The following TNRC18 variants were observed in gnomAD, a reference collection of about 807,000 sequenced individuals.
The protein encoded by TNRC18 is trinucleotide repeat containing 18.
A neutral mutation model predicts 226.7 loss-of-function variants in TNRC18; 69 were observed. The observed-to-expected ratio is 0.30, with a 90% CI of 0.25 to 0.37. TNRC18 has a LOEUF of 0.37. Among genes scored for constraint, TNRC18 ranks in the 10% least tolerant of loss-of-function variants. The pLI is 1.00. For missense variants in TNRC18, 4,754 were observed against 4,256.6 expected (o/e 1.12, Z -3.25); for synonymous variants, 2,449 against 1,927.6 (o/e 1.27, Z -7.09).
rs143216173 is a variant in TNRC18, at chr7:5,335,790, C to T, written c.5720-2741G>A. 1.2e-3 allele frequency among the ~76,000 whole-genome samples: 174 copies of T among 149,670 alleles called. 1 individual carries two copies. Among genetic ancestry groups the T allele is most frequent in the African/African-American group, 4.1e-3 (166 of 40,456 alleles). On this transcript the variant is annotated intron_variant, in intron 18 of 29. Coordinates refer to ENST00000430969, the MANE Select transcript of TNRC18 (RefSeq NM_001080495.3). ...CACCTAAGAAACTGGACTTCAAGTC[C>T]CACCAAGGAAATATCTGCTAAAACA... is the stretch of plus-strand genomic sequence containing the variant.
chr7:5,370,962 T>C lies in TNRC18; in HGVS notation c.3632A>G (p.Gln1211Arg). The C allele has an allele frequency of 1.2e-6, 2 of 1,605,556 alleles. No homozygotes were observed. The highest frequency in any genetic ancestry group is 1.7e-6 in the Non-Finnish European group (2 of 1,179,726). ...ACACTCAGAGGGCTCTGCGCAGCTC[T>C]GCCCGGTGGCACTCAGCGCCTGGGC... Reference protein sequence around the residue: ...LEAQALSATGQSCAEPSECPD... With the variant: ...LEAQALSATGRSCAEPSECPD... Residue 1211 changes from glutamine to arginine, a missense_variant, in exon 11 of 30, where the codon CAG becomes CGG. Coordinates refer to ENST00000430969, the MANE Select transcript of TNRC18 (RefSeq NM_001080495.3).
intron 2 of TNRC18, among the ~76,000 whole-genome samples, chr7:5,399,017 G>C (rs950457852): frequency 6.6e-6 from 1 of 152,104 alleles, no homozygotes; most frequent in African/African-American, 2.4e-5. Flanking sequence ...CACAAAAGAG[G>C]CTCTAAAATA....
At chr7:5,413,343 C>T (rs1168621688) in intron 2 of TNRC18, among the ~76,000 whole-genome samples, 1 of 152,084 alleles carries the variant, frequency 6.6e-6, no homozygotes, top group Non-Finnish European at 1.5e-5. Context: ...ACAAGTGGTT[C>T]GCACCCAAGC....
Position 5,374,241 on chromosome 7 carries a change from C to A in TNRC18, c.3043G>T (p.Val1015Leu). 2 of 1,499,180 alleles carry A rather than the reference C, an allele frequency of 1.3e-6. No individual in the cohort carries two copies. Among genetic ancestry groups the A allele is most frequent in the South Asian group, 1.3e-5 (1 of 75,540 alleles). The allele number at this position is 1,499,180 out of a possible 1,614,324, so 92.9% of individuals were successfully genotyped here. A position where few individuals can be genotyped will look rare whatever the true frequency, so the allele number is the denominator to read the frequency against. The change falls in exon 10 of 30, where the codon GTG (valine) becomes TTG (leucine). Residue 1015 changes from valine (V) to leucine (L), a missense_variant. By Grantham distance (32) the Val-to-Leu change is conservative. Transcript: ENST00000430969. Reference sequence around the variant, plus strand: ...TAGGCGTAGGCGGGTGGCTTGGACACGTCCTCCAGCTTCTGGATGACCTTG... The same window carrying A: ...TAGGCGTAGGCGGGTGGCTTGGACAAGTCCTCCAGCTTCTGGATGACCTTG... The part of the protein sequence containing the change: ...KAKVIQKLED[V>L]SKPPAYAYPA...
intron 25 of TNRC18, among the ~76,000 whole-genome samples, chr7:5,315,464 G>T (rs1284448489): frequency 6.7e-6 from 1 of 149,048 alleles, no homozygotes; most frequent in Admixed American, 6.8e-5. Flanking sequence ...TCGCTCTGTC[G>T]CCAGGATGGA....
At chr7:5,352,473 G>A (rs1218894927) in intron 16 of TNRC18, among the ~76,000 whole-genome samples, 1 of 152,210 alleles carries the variant, frequency 6.6e-6, no homozygotes, top group African/African-American at 2.4e-5. Flanking sequence ...GATGGCCCAA[G>A]GGTGACAACC....
chr7:5,350,958 G>A lies in TNRC18; in HGVS notation c.5470+861C>T, dbSNP rs1034299577. On this transcript the variant is annotated intron_variant, in intron 17 of 29. Transcript: ENST00000430969. ...CGCACCCTTCAAAACAGAAATACAC[G>A]TGAGAAGACAAGTGTTTGTAAATAA... Among the ~76,000 whole-genome samples, 4 of 152,186 alleles carry A rather than the reference G, an allele frequency of 2.6e-5. No individual in the cohort carries two copies. In the South Asian group the frequency reaches 6.2e-4, roughly 24 times the overall value.
intron 2 of TNRC18, among the ~76,000 whole-genome samples, chr7:5,410,446 A>T (rs1781767988): frequency 6.6e-6 from 1 of 152,164 alleles, no homozygotes. Context: ...ATAATACAAA[A>T]AATTTCAGAA....
chr7:5,312,708 G>A lies in TNRC18; in HGVS notation c.8183C>T (p.Ala2728Val), dbSNP rs569812690. Residue 2728 changes from alanine (A) to valine (V), a missense_variant, in exon 27 of 30, where the codon GCG (alanine) becomes GTG (valine). Ala to Val is a moderately conservative substitution (Grantham distance 64). Transcript: ENST00000430969. The surrounding 1 kb of genome is among the most constrained non-coding windows in gnomAD (Gnocchi z 6.3). ...AGGCTGTGTGGGCTGCGGAGGAGGC[G>A]CCTGGGGCTGGGGCGCGGGCGTCTT... is the stretch of plus-strand genomic sequence containing the variant. Reference protein sequence around the residue: ...GKKTPAPQPQAPPPQPTQPLQ... With the variant: ...GKKTPAPQPQVPPPQPTQPLQ... 1.8e-5 allele frequency: 29 copies of A among 1,584,002 alleles called. No individual in the cohort carries two copies. The highest frequency in any genetic ancestry group is 1.4e-4 in the African/African-American group (10 of 74,002).
At chr7:5,374,965 G>T (rs1334284907) in intron 9 of TNRC18, among the ~76,000 whole-genome samples, 4 of 152,096 alleles carry the variant, frequency 2.6e-5, no homozygotes, top group Non-Finnish European at 5.9e-5. Context: ...AAATGGGAGG[G>T]AGTCAGCTCG....
Position 5,309,051 on chromosome 7 carries a change from C to T in TNRC18, c.8625+81G>A. The T allele has an allele frequency of 1.3e-6, 2 of 1,502,844 alleles. No individual in the cohort carries two copies. Among genetic ancestry groups the T allele is most frequent in the Non-Finnish European group, 1.8e-6 (2 of 1,104,410 alleles). 93.1% of individuals were successfully genotyped at this position (1,502,844 alleles called of 1,614,324 possible). On this transcript the variant is annotated intron_variant, in intron 28 of 29. Coordinates refer to ENST00000430969, the MANE Select transcript of TNRC18 (RefSeq NM_001080495.3). This position sits in a 1 kb window ranked among gnomAD's most constrained non-coding sequence, Gnocchi z 5.7. Reference sequence around the variant, plus strand: ...GACCCACTGGGCAGGGCTGCTGATGCTCCAGCACCCAGAACGCCTCGCCCT... The same window carrying T: ...GACCCACTGGGCAGGGCTGCTGATGTTCCAGCACCCAGAACGCCTCGCCCT...
In TNRC18 at chr7:5,357,284, G is replaced by A. The variant is rs890033488; in HGVS notation, c.4834-8C>T. The A allele has an allele frequency of 3.7e-6, 6 of 1,605,990 alleles. No homozygotes were observed. The African/African-American group carries it at 8.0e-5, about 21-fold the overall frequency. On this transcript the variant is annotated splice_region_variant and splice_polypyrimidine_tract_variant and intron_variant, in intron 15 of 29. Coordinates refer to ENST00000430969, the MANE Select transcript of TNRC18 (RefSeq NM_001080495.3). ...CTTCTTCTTAATCTTTAGCTGGAGA[G>A]GGAAGGTGGGTCATGGGTTAAAAGA...
chr7:5,399,117 T>C (rs1446625102), intron 2 of TNRC18, among the ~76,000 whole-genome samples: 1 of 151,428 alleles, frequency 6.6e-6, no homozygotes, highest in Non-Finnish European at 1.5e-5. Context: ...AGTGCCCCCC[T>C]GCCCCACCCA....
Position 5,324,065 on chromosome 7 carries a change from C to T in TNRC18, c.6442+149G>A. Reference sequence around the variant, plus strand: ...CAGCCAGTCCAGCCTTCTCATCGACCCGGATAACTCAGCCTCAGGATCTCT... The same window carrying T: ...CAGCCAGTCCAGCCTTCTCATCGACTCGGATAACTCAGCCTCAGGATCTCT... On this transcript the variant is annotated intron_variant, in intron 21 of 29. Transcript: ENST00000430969. The surrounding 1 kb of genome is among the most constrained non-coding windows in gnomAD (Gnocchi z 4.8). The T allele has an allele frequency of 1.1e-6, 1 of 900,652 alleles. No individual in the cohort carries two copies. The highest frequency in any genetic ancestry group is 1.6e-6 in the Non-Finnish European group (1 of 608,604). The allele number at this position is 900,652 out of a possible 1,614,324, so 55.8% of individuals were successfully genotyped here. A position where few individuals can be genotyped will look rare whatever the true frequency, so the allele number is the denominator to read the frequency against.
At chr7:5,314,552 A>G (rs1787643964) in intron 26 of TNRC18, among the ~76,000 whole-genome samples, 1 of 145,536 alleles carries the variant, frequency 6.9e-6, no homozygotes, top group Non-Finnish European at 1.5e-5. Flanking sequence ...GTGCAGGTGC[A>G]GAGTTCTCTT....
At chr7:5,382,742 A>G (rs1014671440) in intron 5 of TNRC18, among the ~76,000 whole-genome samples, 1 of 152,168 alleles carries the variant, frequency 6.6e-6, no homozygotes, top group African/African-American at 2.4e-5. Flanking sequence ...AACTCAGCTC[A>G]GGGCTCCCCG....
At chr7:5,378,892 T>C (rs6973436) in intron 5 of TNRC18, among the ~76,000 whole-genome samples, 2,950 of 142,040 alleles carry the variant, frequency 0.021, 120 homozygotes, top group African/African-American at 0.072. Context: ...ACAGTTTAAA[T>C]ACACATGGCT....
chr7:5,378,097 C>A, intron 5 of TNRC18, 73 bp from the exon 6 acceptor site: 1 of 1,296,510 alleles, frequency 7.7e-7, no homozygotes, highest in Non-Finnish European at 1.1e-6. Flanking sequence ...CCCCACTGCC[C>A]TCACCCCTCC....
chr7:5,359,393 C>A lies in TNRC18; in HGVS notation c.4833+5G>T. 6.2e-7 allele frequency: 1 copy of A among 1,613,978 alleles called. No individual in the cohort carries two copies. The highest frequency in any genetic ancestry group is 8.5e-7 in the Non-Finnish European group (1 of 1,179,878). ...CTCACACACCTGGAAGACTGGGTTA[C>A]TCACCTGACTGATGAAGTCCGACGA... is the stretch of plus-strand genomic sequence containing the variant. On this transcript the variant is annotated splice_donor_5th_base_variant and intron_variant, in intron 15 of 29. Transcript: ENST00000430969.
Sources: allele counts gnomAD v4.1 joint callset (sites outside exome capture counted in the v4.1 genomes callset), GRCh38; gene constraint gnomAD v4.1.1; non-coding constraint Gnocchi (gnomAD v3.1); transcripts MANE v1.5; gene names NCBI Gene and HGNC (gene_info 2026-07-23, HGNC 2026-07-21).